IGFBP2: variants seen among roughly 807,000 people sequenced by gnomAD.
IGFBP2 encodes insulin-like growth factor-binding protein 2.
IGFBP2 carries 12 observed loss-of-function variants against 26.2 expected under a neutral mutation model. That is an observed-to-expected ratio of 0.46 (90% CI 0.29 to 0.74). The LOEUF is 0.74. Among genes scored for constraint, IGFBP2 ranks in the 30% least tolerant of loss-of-function variants. The pLI, the probability that IGFBP2 is intolerant of heterozygous loss-of-function variation, is 0.09. For synonymous variants in IGFBP2, 189 were observed against 200.6 expected (o/e 0.94, Z 0.49); for missense variants, 328 against 441.2 (o/e 0.74, Z 2.30).
rs1434086343 is a variant in IGFBP2, at chr2:216,633,976, C to G, written c.442+11C>G. On this transcript the variant is annotated intron_variant, in intron 1 of 3. Transcript: ENST00000233809. Reference sequence around the variant, plus strand: ...CGGAGCAGGTTGCAGGTAACGCGGTCTGGAACAAGTAGTTGGGAGAAACTT... The same window carrying G: ...CGGAGCAGGTTGCAGGTAACGCGGTGTGGAACAAGTAGTTGGGAGAAACTT... 1 of 1,589,956 alleles carries G rather than the reference C, an allele frequency of 6.3e-7. No individual in the cohort carries two copies. The highest frequency in any genetic ancestry group is 8.6e-7 in the Non-Finnish European group (1 of 1,169,310).
chr2:216,642,241 G>A (rs1370316159), intron 1 of IGFBP2, among the ~76,000 whole-genome samples: 3 of 150,262 alleles, frequency 2.0e-5, no homozygotes, highest in Middle Eastern at 3.5e-3. Context: ...CTCATGATCC[G>A]CCCACCTCGG....
chr2:216,642,306 A>ATTTT (rs78737054), intron 1 of IGFBP2, among the ~76,000 whole-genome samples: 1 of 93,810 alleles, frequency 1.1e-5, no homozygotes, highest in African/African-American at 4.3e-5. Context: ...CTAGGCTTGC[A>ATTTT]TTTTTTTTTT....
chr2:216,653,244 A>G (rs1337791964), intron 1 of IGFBP2, among the ~76,000 whole-genome samples: 1 of 152,192 alleles, frequency 6.6e-6, no homozygotes, highest in Non-Finnish European at 1.5e-5. Flanking sequence ...CAATTTCCAA[A>G]TAGAGCACTG....
At chr2:216,654,718 T>C (rs947182669) in intron 1 of IGFBP2, among the ~76,000 whole-genome samples, 23 of 152,238 alleles carry the variant, frequency 1.5e-4, no homozygotes, top group African/African-American at 5.5e-4. Context: ...TTAAACCATC[T>C]TTAAAAGACC....
At chr2:216,662,657 A>G (rs988418757) in intron 3 of IGFBP2, 13 of 150,872 alleles carry the variant, frequency 8.6e-5, no homozygotes, top group Admixed American at 7.3e-4. Context: ...GTGCATATGC[A>G]ATATTTTCCC....
chr2:216,635,830 G>A (rs1053933412), intron 1 of IGFBP2, among the ~76,000 whole-genome samples: 4 of 152,120 alleles, frequency 2.6e-5, no homozygotes, highest in Non-Finnish European at 5.9e-5. Flanking sequence ...TGGATTTTCT[G>A]CCTGGTTATG....
At chr2:216,645,448 G>T (rs1006757029) in intron 1 of IGFBP2, among the ~76,000 whole-genome samples, 4 of 152,180 alleles carry the variant, frequency 2.6e-5, no homozygotes, top group African/African-American at 9.7e-5. Context: ...TAACAACCTG[G>T]GCTTGGTTTT....
At chr2:216,641,881 G>A (rs1210795448) in intron 1 of IGFBP2, among the ~76,000 whole-genome samples, 13 of 151,528 alleles carry the variant, frequency 8.6e-5, no homozygotes, top group African/African-American at 2.4e-4. Context: ...TAGTAGAGAC[G>A]GGGTTTCACA....
At chr2:216,643,545 G>A (rs9341138) in intron 1 of IGFBP2, among the ~76,000 whole-genome samples, 133 of 152,270 alleles carry the variant, frequency 8.7e-4, no homozygotes, top group African/African-American at 3.2e-3. Flanking sequence ...TTGGGAATCC[G>A]GGGTGGATGG....
intron 2 of IGFBP2, 46 bp from the exon 3 acceptor site, chr2:216,661,812 G>T: frequency 1.2e-6 from 2 of 1,611,942 alleles, no homozygotes; most frequent in Non-Finnish European, 1.7e-6. Context: ...TGCTTCGTGG[G>T]CCTGCTGTCC....
At chr2:216,661,429 C>G (rs749558118) in intron 2 of IGFBP2, 3 of 332,478 alleles carry the variant, frequency 9.0e-6, no homozygotes, top group Non-Finnish European at 1.8e-5. Flanking sequence ...TTGCCATATG[C>G]TTCTCTCACT....
chr2:216,652,170 AT>A (rs1165765392), intron 1 of IGFBP2, among the ~76,000 whole-genome samples: 4,434 of 130,896 alleles, frequency 0.034, 72 homozygotes, highest in South Asian at 0.064. Context: ...TTTTAGCAGA[AT>A]TTTTTTTTTT....
Position 216,638,831 on chromosome 2 carries a change from T to C in IGFBP2, c.442+4866T>C, listed in dbSNP as rs187532241. On this transcript the variant is annotated intron_variant, in intron 1 of 3. Transcript: ENST00000233809. ...TCTCCTGCCTCAGCCTCCCGAGTAG[T>C]TGGGACTACAGGCACCTGCCACCAC... Among the ~76,000 whole-genome samples the C allele has an allele frequency of 4.4e-3, 656 of 150,140 alleles. 4 individuals are homozygous for C. The highest frequency in any genetic ancestry group is 0.016 in the African/African-American group (637 of 40,762).
chr2:216,659,396 C>A (rs1697985952), intron 1 of IGFBP2, among the ~76,000 whole-genome samples: 1 of 152,214 alleles, frequency 6.6e-6, no homozygotes, highest in Non-Finnish European at 1.5e-5. Flanking sequence ...GAAAAACACC[C>A]CTCTGCACCC....
At chr2:216,658,713 C>A (rs1341303790) in intron 1 of IGFBP2, among the ~76,000 whole-genome samples, 2 of 152,040 alleles carry the variant, frequency 1.3e-5, no homozygotes, top group African/African-American at 2.4e-5. Flanking sequence ...CCACACCCGG[C>A]TAATTTTTTT....
intron 1 of IGFBP2, among the ~76,000 whole-genome samples, chr2:216,646,052 TG>T (rs1329307091): frequency 6.6e-6 from 1 of 152,248 alleles, no homozygotes; most frequent in Non-Finnish European, 1.5e-5. Context: ...GAGAAAAGCA[TG>T]GTGACCTATT....
At chr2:216,639,555 A>G (rs1172853996) in intron 1 of IGFBP2, among the ~76,000 whole-genome samples, 1 of 119,406 alleles carries the variant, frequency 8.4e-6, no homozygotes, top group African/African-American at 2.5e-5. Context: ...AGAAAAGAAA[A>G]AAGCTTGTTT....
intron 1 of IGFBP2, among the ~76,000 whole-genome samples, chr2:216,637,389 T>C (rs1697521579): frequency 6.6e-6 from 1 of 152,234 alleles, no homozygotes; most frequent in African/African-American, 2.4e-5. Context: ...CGACAGATTC[T>C]GGACCAGTGA....
At chr2:216,661,751 G>A in intron 2 of IGFBP2, 107 bp from the exon 3 acceptor site, 1 of 1,319,718 alleles carries the variant, frequency 7.6e-7, no homozygotes. Context: ...GTGACCATGG[G>A]AAAGTCCCCT....
Sources: gnomAD v4.1 joint callset for allele counts (sites outside exome capture counted in the v4.1 genomes callset) on GRCh38, gnomAD v4.1.1 for gene constraint, MANE v1.5 for transcripts, NCBI Gene and HGNC (gene_info 2026-07-23, HGNC 2026-07-21) for gene names.